The following NUP54 variants were observed in gnomAD, a reference collection of about 807,000 sequenced individuals.
The protein encoded by NUP54 is nucleoporin p54.
Under a neutral mutation model 66.4 loss-of-function variants are expected in NUP54, and 27 were observed. That is an observed-to-expected ratio of 0.41 (90% CI 0.30 to 0.56). The LOEUF is 0.56. NUP54 is among the 20% of genes least tolerant of loss of function. NUP54 has a pLI of 0.34. For synonymous variants in NUP54, 206 were observed against 210.7 expected (o/e 0.98, Z 0.19); for missense variants, 486 against 596.3 (o/e 0.82, Z 1.93).
chr4:76,124,446 T>A (rs903704180), intron 9 of NUP54: 5 of 327,842 alleles, frequency 1.5e-5, no homozygotes, highest in Non-Finnish European at 2.2e-5. Context: ...AAATACGAAC[T>A]TTAGGATATT....
At chr4:76,147,468 G>C in intron 1 of NUP54, 8 of 1,288,040 alleles carry the variant, frequency 6.2e-6, no homozygotes, top group Non-Finnish European at 8.1e-6. Flanking sequence ...CATACAACCC[G>C]CAGTATCTAC....
Position 76,122,708 on chromosome 4 carries a change from T to C in NUP54, c.1164+1941A>G, listed in dbSNP as rs56809159. ...CACAGCAATTTCACTCCTAGGTTTA[T>C]ACCCAAGAGAAATAGAAGTATATGT... On this transcript the variant is annotated intron_variant, in intron 9 of 11. Transcript: ENST00000264883. 6.1e-3 allele frequency among the ~76,000 whole-genome samples: 933 copies of C among 152,276 alleles called. 22 individuals are homozygous for C. The highest frequency in any genetic ancestry group is 0.021 in the African/African-American group (890 of 41,550).
intron 9 of NUP54, among the ~76,000 whole-genome samples, chr4:76,122,620 T>C (rs992596091): frequency 1.3e-5 from 2 of 152,214 alleles, no homozygotes; most frequent in African/African-American, 4.8e-5. Context: ...TGTAAAATGG[T>C]ACAGTTGCTT....
Position 76,144,409 on chromosome 4 carries a change from T to C in NUP54, c.132A>G (p.Pro44=). Residue 44 remains proline, a synonymous_variant, in exon 2 of 12, where the codon CCA becomes CCG. Coordinates refer to ENST00000264883, the MANE Select transcript of NUP54 (RefSeq NM_017426.4). ...TAGSAFSFSA[P]TNTGTTGLFG... ...TCTTACCAGTAGTGCCTGTGTTAGT[T>C]GGGGCAGAAAAGCTGAATGCAGAAC... 1.2e-6 allele frequency: 2 copies of C among 1,610,012 alleles called. No homozygotes were observed. Among genetic ancestry groups the C allele is most frequent in the Middle Eastern group, 3.3e-4 (2 of 6,044 alleles).
chr4:76,139,021 T>A (rs1020863681), intron 3 of NUP54, among the ~76,000 whole-genome samples: 1 of 152,222 alleles, frequency 6.6e-6, no homozygotes, highest in East Asian at 1.9e-4. Flanking sequence ...AACTCCTTTT[T>A]ACAAAAATTG....
intron 4 of NUP54, 46 bp from the exon 5 acceptor site, chr4:76,134,408 T>C (rs757488181): frequency 6.8e-7 from 1 of 1,461,260 alleles, no homozygotes; most frequent in East Asian, 2.4e-5. Flanking sequence ...GTACAGATCT[T>C]AAATCAGGTG....
At chr4:76,125,821 A>G (rs1578674287) in intron 8 of NUP54, among the ~76,000 whole-genome samples, 1 of 31,476 alleles carries the variant, frequency 3.2e-5, no homozygotes, top group Non-Finnish European at 5.2e-5. Flanking sequence ...GAGAAGAGGG[A>G]GAAAGGGGGA....
intron 8 of NUP54, among the ~76,000 whole-genome samples, chr4:76,129,692 C>A (rs186807778): frequency 1.2e-3 from 177 of 151,744 alleles, no homozygotes; most frequent in Non-Finnish European, 1.1e-3. Context: ...GGTGAAACCC[C>A]GTCTCTACTA....
At chr4:76,142,430 TA>T (rs1162375970) in intron 3 of NUP54, among the ~76,000 whole-genome samples, 2 of 152,120 alleles carry the variant, frequency 1.3e-5, no homozygotes, top group African/African-American at 4.8e-5. Context: ...TCAAGTTACT[TA>T]AAAAAATGAA....
chr4:76,123,820 G>C (rs1278445779), intron 9 of NUP54, among the ~76,000 whole-genome samples: 1 of 152,034 alleles, frequency 6.6e-6, no homozygotes. Context: ...GGCCCATGCA[G>C]TATCTTCTTA....
chr4:76,119,862 AGACC>A (rs1470263071), intron 9 of NUP54, among the ~76,000 whole-genome samples: 1 of 152,088 alleles, frequency 6.6e-6, no homozygotes, highest in East Asian at 1.9e-4. Flanking sequence ...ACACACACAT[AGACC>A]GACTGCTTTT....
intron 8 of NUP54, among the ~76,000 whole-genome samples, chr4:76,129,966 G>GTTTTTTTTTTTTTTT (rs775109047): frequency 7.0e-5 from 4 of 56,862 alleles, no homozygotes; most frequent in Non-Finnish European, 1.2e-4. Context: ...AATTATGAAA[G>GTTTTTTTTTTTTTTT]TTTTTTTTTT....
chr4:76,145,653 G>T, intron 1 of NUP54: 1 of 986,886 alleles, frequency 1.0e-6, no homozygotes, highest in South Asian at 1.5e-5. Flanking sequence ...GTAACTTATT[G>T]TCAGTCTTCA....
intron 1 of NUP54, 57 bp from the exon 2 acceptor site, chr4:76,144,530 C>A: frequency 8.1e-7 from 1 of 1,239,574 alleles, no homozygotes; most frequent in African/African-American, 1.5e-5. Context: ...ATAAAGGCAA[C>A]TTCTTTTTAA....
intron 8 of NUP54, 78 bp downstream of exon 8, chr4:76,130,578 C>T: frequency 1.1e-6 from 1 of 920,634 alleles, no homozygotes; most frequent in Admixed American, 1.9e-5. Context: ...AACAGTAGCA[C>T]ATATACTAAA....
chr4:76,133,493 G>C (rs1730905061), intron 5 of NUP54, among the ~76,000 whole-genome samples: 1 of 151,874 alleles, frequency 6.6e-6, no homozygotes, highest in African/African-American at 2.4e-5. Context: ...ATTTTTAGTA[G>C]AGACAGGGTT....
intron 8 of NUP54, among the ~76,000 whole-genome samples, chr4:76,127,431 T>TAAAAAA (rs1730590617): frequency 4.7e-5 from 2 of 42,502 alleles, no homozygotes; most frequent in South Asian, 1.0e-3. Context: ...GACCCCCATC[T>TAAAAAA]CAAAAAAAAA....
At chr4:76,120,735 A>AT (rs892691489) in intron 9 of NUP54, among the ~76,000 whole-genome samples, 46 of 151,848 alleles carry the variant, frequency 3.0e-4, no homozygotes, top group African/African-American at 1.1e-3. Flanking sequence ...CCAGGATCTC[A>AT]TTTTTTTTCT....
At chr4:76,125,962 G>C (rs1730522196) in intron 8 of NUP54, among the ~76,000 whole-genome samples, 1 of 151,970 alleles carries the variant, frequency 6.6e-6, no homozygotes, top group Non-Finnish European at 1.5e-5. Context: ...AAGTAACATG[G>C]AATACAGCCA....
Sources: gnomAD v4.1 joint callset for allele counts (sites outside exome capture counted in the v4.1 genomes callset) on GRCh38, gnomAD v4.1.1 for gene constraint, MANE v1.5 for transcripts, NCBI Gene and HGNC (gene_info 2026-07-23, HGNC 2026-07-21) for gene names.